The following ZDHHC17 variants were observed in gnomAD, a reference collection of about 807,000 sequenced individuals.
ZDHHC17 encodes the protein palmitoyltransferase ZDHHC17.
In ZDHHC17, 40 loss-of-function variants were observed where a neutral mutation model predicts 90.3. That is an observed-to-expected ratio of 0.44 (90% confidence interval 0.34 to 0.58). ZDHHC17 has a LOEUF of 0.58. Ranked by LOEUF, ZDHHC17 falls within the 20% of genes least tolerant of loss-of-function variation. ZDHHC17 has a pLI of 0.01. For missense variants in ZDHHC17, 614 were observed against 780.8 expected (o/e 0.79, Z 2.55); for synonymous variants, 235 against 252.4 (o/e 0.93, Z 0.65).
intron 5 of ZDHHC17, among the ~76,000 whole-genome samples, chr12:76,813,008 G>T (rs970356064): frequency 1.6e-4 from 24 of 151,976 alleles, no homozygotes; most frequent in African/African-American, 5.1e-4. Context: ...TTTAAATCCC[G>T]ACCCAAAGAG....
At chr12:76,776,921 C>T (rs1289076167) in intron 1 of ZDHHC17, among the ~76,000 whole-genome samples, 1 of 152,140 alleles carries the variant, frequency 6.6e-6, no homozygotes, top group Non-Finnish European at 1.5e-5. Flanking sequence ...TTTAAATGCT[C>T]AAGTTGATAA....
chr12:76,814,298 C>G (rs11115546), intron 5 of ZDHHC17, among the ~76,000 whole-genome samples: 1,674 of 151,662 alleles, frequency 0.011, 11 homozygotes, highest in Non-Finnish European at 0.017. Context: ...AAGATGGTGC[C>G]AGGGAAAGCA....
At chr12:76,839,714 A>T (rs1253743641) in intron 10 of ZDHHC17, among the ~76,000 whole-genome samples, 1 of 152,240 alleles carries the variant, frequency 6.6e-6, no homozygotes, top group Admixed American at 6.5e-5. Flanking sequence ...AAAAATGTAA[A>T]TTAAAACGAT....
chr12:76,764,595 T>C (rs1031259734), intron 1 of ZDHHC17: 23 of 552,740 alleles, frequency 4.2e-5, no homozygotes, highest in Non-Finnish European at 7.5e-5. Flanking sequence ...GGTTCTGCTG[T>C]GTCGCCGCGC....
intron 7 of ZDHHC17, chr12:76,821,002 A>C (rs1302619187): frequency 1.4e-5 from 15 of 1,044,620 alleles, no homozygotes; most frequent in Non-Finnish European, 2.0e-5. Flanking sequence ...AAATAGTTAG[A>C]TGACTGGAGG....
intron 10 of ZDHHC17, 72 bp downstream of exon 10, chr12:76,828,562 G>T: frequency 1.5e-6 from 2 of 1,314,510 alleles, no homozygotes; most frequent in South Asian, 2.5e-5. Context: ...TTAATAATTT[G>T]ACATTAGGAC....
intron 10 of ZDHHC17, among the ~76,000 whole-genome samples, chr12:76,838,019 C>A (rs963915672): frequency 6.6e-6 from 1 of 151,800 alleles, no homozygotes; most frequent in South Asian, 2.1e-4. Flanking sequence ...TGTTTTTATC[C>A]TCCTTGTGTT....
intron 9 of ZDHHC17, among the ~76,000 whole-genome samples, chr12:76,827,477 A>G (rs920165555): frequency 6.6e-6 from 1 of 152,160 alleles, no homozygotes; most frequent in Non-Finnish European, 1.5e-5. Flanking sequence ...AAGTCTAAGC[A>G]TAGTTGTGAA....
At chr12:76,778,314 C>G (rs1231397451) in intron 1 of ZDHHC17, among the ~76,000 whole-genome samples, 1 of 152,126 alleles carries the variant, frequency 6.6e-6, no homozygotes, top group Non-Finnish European at 1.5e-5. Flanking sequence ...TGGGTTCAAG[C>G]GATTCTTCTA....
chr12:76,781,358 C>T (rs144506252), intron 1 of ZDHHC17, among the ~76,000 whole-genome samples: 23 of 152,162 alleles, frequency 1.5e-4, no homozygotes, highest in African/African-American at 5.3e-4. Context: ...AAGTGTTAAG[C>T]GACTTGTATT....
chr12:76,805,278 G>A (rs1208031364), intron 2 of ZDHHC17, 39 bp from the exon 3 acceptor site: 3 of 1,503,302 alleles, frequency 2.0e-6, no homozygotes, highest in Non-Finnish European at 2.7e-6. Context: ...TACATTTCTT[G>A]TTAAATAATA....
At chr12:76,776,701 A>T (rs1952564755) in intron 1 of ZDHHC17, among the ~76,000 whole-genome samples, 1 of 152,210 alleles carries the variant, frequency 6.6e-6, no homozygotes, top group African/African-American at 2.4e-5. Flanking sequence ...TTTCAGTTAT[A>T]CAAGTTACAT....
rs776561511 is a variant in ZDHHC17, at chr12:76,827,016, G to A, written c.1006G>A (p.Gly336Ser). ...DSWLIKGLMY[G>S]GVWATVQFLS... ...TTGGCTCATTAAAGGGCTAATGTAT[G>A]GTGGTGTTTGGGCTACAGTACAGTT... Residue 336 changes from glycine (G) to serine (S), a missense_variant, in exon 9 of 17, where the codon GGT becomes AGT. By Grantham distance (56) the Gly-to-Ser change is moderately conservative (BLOSUM62 0). Transcript: ENST00000426126. 8.9e-6 allele frequency: 14 copies of A among 1,565,818 alleles called. No homozygotes were observed. Among genetic ancestry groups the A allele is most frequent in the Middle Eastern group, 1.7e-4 (1 of 5,970 alleles).
intron 8 of ZDHHC17, among the ~76,000 whole-genome samples, chr12:76,823,007 A>G (rs749112107): frequency 3.9e-5 from 6 of 152,090 alleles, no homozygotes; most frequent in African/African-American, 1.2e-4. Context: ...GTAAATAACA[A>G]AGTTTCCAAG....
chr12:76,774,538 T>G (rs1220961080), intron 1 of ZDHHC17, among the ~76,000 whole-genome samples: 1 of 152,204 alleles, frequency 6.6e-6, no homozygotes. Context: ...TACTATCATT[T>G]GTATTATCTG....
At chr12:76,826,782 C>T (rs957309537) in intron 8 of ZDHHC17, 126 bp from the exon 9 acceptor site, 3 of 913,748 alleles carry the variant, frequency 3.3e-6, no homozygotes, top group African/African-American at 1.7e-5. Flanking sequence ...AGTACTGATA[C>T]ATAGCATGCA....
At position 76,797,495 on chromosome 12, in the gene ZDHHC17, A is replaced by G; in HGVS notation, c.155A>G (p.His52Arg). The G allele has an allele frequency of 6.2e-7, 1 of 1,611,796 alleles. No individual in the cohort carries two copies. The highest frequency in any genetic ancestry group is 8.5e-7 in the Non-Finnish European group (1 of 1,178,832). Reference sequence around the variant, plus strand: ...GGTGAACCTCTTGGACGGAAAACTCATATTGATGATTACAGCACATGGGAC... The same window carrying G: ...GGTGAACCTCTTGGACGGAAAACTCGTATTGATGATTACAGCACATGGGAC... ...GYGEPLGRKT[H>R]IDDYSTWDIV... Residue 52 changes from histidine (H) to arginine (R), a missense_variant, in exon 2 of 17, where the codon CAT (histidine) becomes CGT (arginine). Around this residue, in one of 5 missense-constraint regions of ZDHHC17, gnomAD observed 358 missense variants for 380.4 expected, o/e 0.94. Coordinates refer to ENST00000426126, the MANE Select transcript of ZDHHC17 (RefSeq NM_015336.4).
chr12:76,817,899 T>C (rs558922013), intron 7 of ZDHHC17, among the ~76,000 whole-genome samples: 3 of 152,314 alleles, frequency 2.0e-5, no homozygotes, highest in Admixed American at 1.3e-4. Context: ...TGAAATAGAA[T>C]GTAACTTCCT....
At chr12:76,809,165 G>A (rs2137761505) in intron 4 of ZDHHC17, 45 bp downstream of exon 4, 2 of 1,364,284 alleles carry the variant, frequency 1.5e-6, no homozygotes, top group Non-Finnish European at 2.0e-6. Flanking sequence ...TCCTTTATTA[G>A]TATATAAATA....
Sources: allele counts gnomAD v4.1 joint callset (sites outside exome capture counted in the v4.1 genomes callset), GRCh38; gene constraint gnomAD v4.1.1; regional missense constraint gnomAD v4.1.1; transcripts MANE v1.5; gene names NCBI Gene and HGNC (gene_info 2026-07-23, HGNC 2026-07-21).